Variants in EDIL3 observed in about 807,000 individuals in gnomAD.
The protein encoded by EDIL3 is EGF like and discoidin domains 3.
In EDIL3, 37 loss-of-function variants were observed where a neutral mutation model predicts 67.4. The observed-to-expected ratio is 0.55, with a 90% CI of 0.42 to 0.72. The LOEUF is 0.72. Ranked by LOEUF, EDIL3 falls within the 30% of genes least tolerant of loss-of-function variation. The pLI, the probability that EDIL3 is intolerant of heterozygous loss-of-function variation, is 0.00. For synonymous variants in EDIL3, 195 were observed against 196.3 expected, an observed-to-expected ratio of 0.99 and a Z score of 0.05; for missense variants, 527 against 586.3, an observed-to-expected ratio of 0.90 and a Z score of 1.04.
intron 4 of EDIL3, among the ~76,000 whole-genome samples, chr5:84,166,595 C>G (rs558736727): frequency 6.6e-6 from 1 of 152,048 alleles, no homozygotes; most frequent in Non-Finnish European, 1.5e-5. Context: ...AGAAAAGATG[C>G]TTACTCTCTA....
chr5:84,191,471 T>G (rs1743583553), intron 3 of EDIL3, among the ~76,000 whole-genome samples: 1 of 152,010 alleles, frequency 6.6e-6, no homozygotes, highest in Non-Finnish European at 1.5e-5. Context: ...TTAGATTGCC[T>G]CCTCAGGTCT....
At chr5:84,243,260 GA>G (rs1744834345) in intron 2 of EDIL3, among the ~76,000 whole-genome samples, 1 of 152,212 alleles carries the variant, frequency 6.6e-6, no homozygotes, top group Admixed American at 6.5e-5. Context: ...GGCTCATTGA[GA>G]AGTGAGCTTT....
Position 84,355,595 on chromosome 5 carries a change from C to T in EDIL3, c.67+28713G>A, listed in dbSNP as rs544590717. On this transcript the variant is annotated intron_variant, in intron 1 of 10. Transcript: ENST00000296591. ...GGAGGTCCACTCCAGACCCTGTTTGCCTAGGTATCACCAGCGGAGGCTGCA... is the reference window on the plus strand; with the variant it reads ...GGAGGTCCACTCCAGACCCTGTTTGTCTAGGTATCACCAGCGGAGGCTGCA... Among the ~76,000 whole-genome samples, 9 of 152,226 alleles carry T rather than the reference C, an allele frequency of 5.9e-5. No homozygotes were observed. In the East Asian group the frequency reaches 1.8e-3, roughly 30 times the overall value.
chr5:84,192,280 A>G lies in EDIL3; in HGVS notation c.227-11759T>C, dbSNP rs150431919. 1.4e-4 allele frequency among the ~76,000 whole-genome samples: 21 copies of G among 151,934 alleles called. No homozygotes were observed. In the East Asian group the frequency reaches 3.3e-3, roughly 24 times the overall value. The stretch of plus-strand genomic sequence containing the variant: ...GCTACCCACCATGCAAACCTAATCA[A>G]AAAGCTTCTGTTAGCTCCTACAGCC... On this transcript the variant is annotated intron_variant, in intron 3 of 10. Transcript: ENST00000296591.
chr5:83,998,353 C>A (rs144265837), intron 9 of EDIL3, among the ~76,000 whole-genome samples: 6 of 152,130 alleles, frequency 3.9e-5, no homozygotes, highest in Non-Finnish European at 8.8e-5. Context: ...GAACTCGCTA[C>A]GTTGAAGGGA....
intron 1 of EDIL3, among the ~76,000 whole-genome samples, chr5:84,350,049 C>T (rs305652): frequency 0.42 from 63,355 of 151,828 alleles, 13,564 homozygotes; most frequent in Middle Eastern, 0.5. Context: ...TACACATGTA[C>T]TATATGAAAG....
chr5:83,969,099 T>TA (rs1420320273), intron 9 of EDIL3, among the ~76,000 whole-genome samples: 1 of 151,798 alleles, frequency 6.6e-6, no homozygotes, highest in African/African-American at 2.4e-5. Context: ...TGCAGGCAAT[T>TA]AGTTTACTCT....
chr5:83,999,578 A>G (rs1440708725), intron 9 of EDIL3, among the ~76,000 whole-genome samples: 1 of 152,140 alleles, frequency 6.6e-6, no homozygotes, highest in Non-Finnish European at 1.5e-5. Context: ...GACAGGCTTT[A>G]TGAAGATACA....
At chr5:84,206,468 TA>T (rs1724698937) in intron 3 of EDIL3, among the ~76,000 whole-genome samples, 1 of 152,064 alleles carries the variant, frequency 6.6e-6, no homozygotes, top group South Asian at 2.1e-4. Flanking sequence ...TGGGTATCCT[TA>T]AGGAGGAACT....
chr5:84,346,091 T>A (rs1359722056), intron 1 of EDIL3, among the ~76,000 whole-genome samples: 3 of 151,954 alleles, frequency 2.0e-5, no homozygotes, highest in African/African-American at 7.2e-5. Flanking sequence ...TTTCTACTCT[T>A]TTCCCTTAAA....
chr5:84,099,094 T>A (rs946068125), intron 6 of EDIL3, among the ~76,000 whole-genome samples: 2 of 152,038 alleles, frequency 1.3e-5, no homozygotes, highest in African/African-American at 2.4e-5. Context: ...CTCAAGGAAA[T>A]AACAGAGGAC....
At chr5:84,114,677 G>T (rs983664663) in intron 5 of EDIL3, among the ~76,000 whole-genome samples, 1 of 152,110 alleles carries the variant, frequency 6.6e-6, no homozygotes, top group African/African-American at 2.4e-5. Flanking sequence ...AAACTTACTT[G>T]GATTCCATAT....
intron 6 of EDIL3, among the ~76,000 whole-genome samples, chr5:84,072,190 T>C (rs1746751538): frequency 6.6e-6 from 1 of 151,964 alleles, no homozygotes; most frequent in Non-Finnish European, 1.5e-5. Flanking sequence ...TAAATACAAA[T>C]GACAAATGGG....
intron 9 of EDIL3, among the ~76,000 whole-genome samples, chr5:84,007,300 G>T (rs966617367): frequency 2.0e-4 from 31 of 152,128 alleles, no homozygotes; most frequent in African/African-American, 7.2e-4. Context: ...AAAAGCTTCT[G>T]TACAGCAAAG....
At chr5:83,965,045 C>A (rs1744666285) in intron 9 of EDIL3, among the ~76,000 whole-genome samples, 1 of 151,880 alleles carries the variant, frequency 6.6e-6, no homozygotes, top group African/African-American at 2.4e-5. Context: ...GGTGTGTGAT[C>A]CAAAAATAAA....
chr5:84,121,816 T>C (rs1036649042), intron 5 of EDIL3, among the ~76,000 whole-genome samples: 20 of 152,036 alleles, frequency 1.3e-4, no homozygotes, highest in African/African-American at 4.8e-4. Context: ...TCTAAGCATA[T>C]GTGTATCATA....
chr5:84,343,710 G>T (rs565056832), intron 1 of EDIL3, among the ~76,000 whole-genome samples: 4 of 151,962 alleles, frequency 2.6e-5, no homozygotes, highest in Non-Finnish European at 5.9e-5. Context: ...TACAGGAGAC[G>T]TCAAATAGAG....
chr5:84,151,558 A>G (rs987862744), intron 4 of EDIL3, among the ~76,000 whole-genome samples: 1 of 152,134 alleles, frequency 6.6e-6, no homozygotes, highest in Admixed American at 6.5e-5. Flanking sequence ...TGTTTCCACC[A>G]CTCAAGAAAG....
At chr5:84,300,362 GTCT>G (rs1019247299) in intron 1 of EDIL3, among the ~76,000 whole-genome samples, 4 of 152,136 alleles carry the variant, frequency 2.6e-5, no homozygotes, top group Non-Finnish European at 5.9e-5. Context: ...CTATAGGATG[GTCT>G]TCTTATCTCA....
Sources: allele counts gnomAD v4.1 joint callset (sites outside exome capture counted in the v4.1 genomes callset), GRCh38; gene constraint gnomAD v4.1.1; transcripts MANE v1.5; gene names NCBI Gene and HGNC (gene_info 2026-07-23, HGNC 2026-07-21).